Variants in ETFA observed in about 807,000 individuals in gnomAD.
ETFA encodes the protein electron transfer flavoprotein subunit alpha, mitochondrial.
A neutral mutation model predicts 46.2 loss-of-function variants in ETFA; 22 were observed. The ratio of observed to expected loss-of-function variants is 0.48; its 90% CI spans 0.34 to 0.68. The LOEUF is 0.68. ETFA is among the 30% of genes least tolerant of loss of function. The probability of loss-of-function intolerance (pLI) is 0.01; values close to 1 mark genes in which losing one functional copy is unlikely to be tolerated. For missense variants in ETFA, 345 were observed against 401.1 expected (o/e 0.86, Z 1.19); for synonymous variants, 131 against 139.9 (o/e 0.94, Z 0.45).
Position 76,216,266 on chromosome 15 carries a change from T to G in ETFA, c.*293A>C, listed in dbSNP as rs1357288561. The G allele has an allele frequency of 1.7e-5, 5 of 290,840 alleles. No individual in the cohort carries two copies. Among genetic ancestry groups the G allele is most frequent in the Non-Finnish European group, 3.2e-5 (5 of 158,076 alleles). The allele number at this position is 290,840 out of a possible 1,614,324, so 18.0% of individuals were successfully genotyped here. A position where few individuals can be genotyped will look rare whatever the true frequency, so the allele number is the denominator to read the frequency against. ...AAAATTTTTACTCCTTTTCTTCAAT[T>G]TTCTCTAGAGGCTAGGCATATTTCT... On this transcript the variant is annotated 3_prime_UTR_variant, in exon 12 of 12. Coordinates refer to ENST00000557943, the MANE Select transcript of ETFA (RefSeq NM_000126.4).
At chr15:76,280,683 A>G (rs1164894881) in intron 8 of ETFA, among the ~76,000 whole-genome samples, 2 of 152,194 alleles carry the variant, frequency 1.3e-5, no homozygotes, top group African/African-American at 2.4e-5. Flanking sequence ...ACAATGTCCT[A>G]TAAGGCCCTA....
chr15:76,267,131 A>AT (rs1472372830), intron 9 of ETFA, among the ~76,000 whole-genome samples: 1 of 152,208 alleles, frequency 6.6e-6, no homozygotes, highest in East Asian at 1.9e-4. Flanking sequence ...TTCAGCAAGC[A>AT]CAAGTAGAAC....
rs2038999154 is a variant in ETFA, at chr15:76,225,890, A to G, written c.922T>C (p.Phe308Leu). 1 of 1,612,470 alleles carries G rather than the reference A, an allele frequency of 6.2e-7. No individual in the cohort carries two copies. Among genetic ancestry groups the G allele is most frequent in the African/African-American group, 1.3e-5 (1 of 74,914 alleles). ...ACTATTCCATAATCTGCCACTTGGAAAATTGGAGCTTCTGGGTCTTTATTA... is the reference window on the plus strand; with the variant it reads ...ACTATTCCATAATCTGCCACTTGGAGAATTGGAGCTTCTGGGTCTTTATTA... Reference protein sequence around the residue: ...AINKDPEAPIFQVADYGIVAD... With the variant: ...AINKDPEAPILQVADYGIVAD... The change falls in exon 11 of 12, where the codon TTC (phenylalanine) becomes CTC (leucine). Residue 308 changes from phenylalanine to leucine, a missense_variant. Coordinates refer to ENST00000557943, the MANE Select transcript of ETFA (RefSeq NM_000126.4).
At chr15:76,232,717 G>C (rs2039081687) in intron 9 of ETFA, among the ~76,000 whole-genome samples, 1 of 152,142 alleles carries the variant, frequency 6.6e-6, no homozygotes, top group Non-Finnish European at 1.5e-5. Flanking sequence ...CCACATACAA[G>C]TCAATTCACC....
intron 8 of ETFA, among the ~76,000 whole-genome samples, chr15:76,275,104 G>A (rs1488367138): frequency 6.6e-6 from 1 of 152,048 alleles, no homozygotes; most frequent in East Asian, 1.9e-4. Context: ...AGTCAGCCAG[G>A]ACTAATCACA....
chr15:76,244,408 A>G (rs2039224703), intron 9 of ETFA, among the ~76,000 whole-genome samples: 1 of 152,192 alleles, frequency 6.6e-6, no homozygotes, highest in Non-Finnish European at 1.5e-5. Flanking sequence ...CTCAAATACT[A>G]TTTCCCAAAT....
At chr15:76,221,072 C>T (rs1354587426) in intron 11 of ETFA, among the ~76,000 whole-genome samples, 5 of 152,122 alleles carry the variant, frequency 3.3e-5, no homozygotes, top group Non-Finnish European at 5.9e-5. Context: ...AGGGGAAAAA[C>T]CCAACATGTC....
intron 9 of ETFA, among the ~76,000 whole-genome samples, chr15:76,247,615 G>A (rs908118281): frequency 2.0e-5 from 3 of 152,030 alleles, no homozygotes; most frequent in Non-Finnish European, 2.9e-5. Context: ...TTTTTACGTG[G>A]TCTTGGTTAT....
chr15:76,296,057 C>T (rs1278509546), intron 1 of ETFA, among the ~76,000 whole-genome samples: 1 of 149,662 alleles, frequency 6.7e-6, no homozygotes, highest in Admixed American at 6.7e-5. Context: ...GCCATTCTCC[C>T]GCCTCCGCCT....
At chr15:76,260,966 T>C in intron 9 of ETFA, 2 of 1,610,658 alleles carry the variant, frequency 1.2e-6, no homozygotes, top group Non-Finnish European at 8.5e-7. Context: ...CATCAGCACC[T>C]GGCATCCAGG....
intron 5 of ETFA, among the ~76,000 whole-genome samples, chr15:76,287,571 T>C (rs1427026816): frequency 6.6e-6 from 1 of 152,184 alleles, no homozygotes; most frequent in East Asian, 1.9e-4. Context: ...TTACAAAATA[T>C]ATTAAATTGT....
chr15:76,304,999 C>T (rs1325520264), intron 1 of ETFA, among the ~76,000 whole-genome samples: 7 of 151,376 alleles, frequency 4.6e-5, no homozygotes, highest in South Asian at 2.1e-4. Flanking sequence ...GTCGAGATGG[C>T]GCCACTGCAC....
At chr15:76,310,800 A>T (rs1596231990) in intron 1 of ETFA, among the ~76,000 whole-genome samples, 1 of 152,150 alleles carries the variant, frequency 6.6e-6, no homozygotes, top group Non-Finnish European at 1.5e-5. Flanking sequence ...TGCTCCATAA[A>T]CCAGAAAGCA....
intron 8 of ETFA, among the ~76,000 whole-genome samples, chr15:76,279,383 T>C (rs2039626037): frequency 6.6e-6 from 1 of 152,040 alleles, no homozygotes; most frequent in African/African-American, 2.4e-5. Context: ...TTAAGTGATT[T>C]CTCCTGCCTC....
intron 11 of ETFA, among the ~76,000 whole-genome samples, chr15:76,216,923 G>A (rs2038902861): frequency 7.4e-6 from 1 of 135,446 alleles, no homozygotes; most frequent in African/African-American, 2.8e-5. Flanking sequence ...ATGGCTCACT[G>A]CAGCATCTAC....
At chr15:76,225,225 G>A (rs761592973) in intron 11 of ETFA, among the ~76,000 whole-genome samples, 1 of 152,092 alleles carries the variant, frequency 6.6e-6, no homozygotes, top group Non-Finnish European at 1.5e-5. Context: ...TAAATTACTT[G>A]AATCACTTCA....
chr15:76,289,351 T>A (rs2039735498), intron 4 of ETFA, among the ~76,000 whole-genome samples: 1 of 152,248 alleles, frequency 6.6e-6, no homozygotes, highest in Non-Finnish European at 1.5e-5. Flanking sequence ...ATTACTGGAA[T>A]AGTTACTTGG....
intron 1 of ETFA, chr15:76,310,118 C>T (rs1567224177): frequency 6.8e-6 from 1 of 146,144 alleles, no homozygotes; most frequent in Non-Finnish European, 1.5e-5. Context: ...TGATGATGCG[C>T]ACCTGTGATC....
rs757717801 is a variant in ETFA at position 76,292,526 on chromosome 15, C to A, written c.269-13G>T. The A allele has an allele frequency of 6.2e-7, 1 of 1,607,512 alleles. No individual in the cohort carries two copies. The highest frequency in any genetic ancestry group is 8.5e-7 in the Non-Finnish European group (1 of 1,173,964). On this transcript the variant is annotated splice_polypyrimidine_tract_variant and intron_variant, in intron 3 of 11. Transcript: ENST00000557943. ...GGTGTCAGTTCCTCTGAGAATTAAA[C>A]ACATTTGATAAAAAAATATTTTGAA...
Sources: allele counts gnomAD v4.1 joint callset (sites outside exome capture counted in the v4.1 genomes callset), GRCh38; gene constraint gnomAD v4.1.1; transcripts MANE v1.5; gene names NCBI Gene and HGNC (gene_info 2026-07-23, HGNC 2026-07-21).